The following ENOX1 variants were observed in gnomAD, a reference collection of about 807,000 sequenced individuals.
The protein encoded by ENOX1 is candidate growth-related and time keeping constitutive hydroquinone (NADH) oxidase.
ENOX1 carries 42 observed loss-of-function variants against 82.5 expected under a neutral mutation model. That is an observed-to-expected ratio of 0.51 (90% CI 0.40 to 0.66). The LOEUF (loss-of-function observed/expected upper bound fraction) is 0.66. ENOX1 is among the 30% of genes least tolerant of loss of function. The pLI, the probability that ENOX1 is intolerant of heterozygous loss-of-function variation, is 0.00. For missense variants in ENOX1, 608 were observed against 811.6 expected (o/e 0.75, Z 3.05); for synonymous variants, 271 against 282.2 (o/e 0.96, Z 0.40).
chr13:43,467,315 C>T (rs1350946657), intron 3 of ENOX1, among the ~76,000 whole-genome samples: 3 of 152,084 alleles, frequency 2.0e-5, no homozygotes, highest in Non-Finnish European at 2.9e-5. Context: ...TTACTATATA[C>T]TATATTACTA....
chr13:43,651,100 C>T (rs1020924484), intron 2 of ENOX1, among the ~76,000 whole-genome samples: 4 of 152,160 alleles, frequency 2.6e-5, no homozygotes, highest in Admixed American at 2.6e-4. Flanking sequence ...GCTGCTCCAC[C>T]CACAGCACAT....
intron 16 of ENOX1, among the ~76,000 whole-genome samples, chr13:43,218,444 T>TAG (rs1164342075): frequency 6.6e-6 from 1 of 152,030 alleles, no homozygotes; most frequent in African/African-American, 2.4e-5. Flanking sequence ...CTGGGCAACA[T>TAG]AGAGAGACCC....
At chr13:43,595,160 ATG>A (rs1469838745) in intron 2 of ENOX1, among the ~76,000 whole-genome samples, 2 of 149,644 alleles carry the variant, frequency 1.3e-5, no homozygotes, top group Non-Finnish European at 3.0e-5. Flanking sequence ...AAGGAGCTTA[ATG>A]TACCAGATTT....
intron 2 of ENOX1, among the ~76,000 whole-genome samples, chr13:43,548,460 T>G (rs2079056728): frequency 6.6e-6 from 1 of 152,214 alleles, no homozygotes; most frequent in Non-Finnish European, 1.5e-5. Context: ...ATCTCTTAAT[T>G]CTGCTGCCCT....
At chr13:43,397,069 G>A (rs570817722) in intron 5 of ENOX1, among the ~76,000 whole-genome samples, 1 of 152,186 alleles carries the variant, frequency 6.6e-6, no homozygotes, top group Admixed American at 6.5e-5. Context: ...GGTGGGTGAG[G>A]CCTGCGGCAC....
rs1028671457 is a variant in ENOX1 at position 43,298,403 on chromosome 13, G to A, written c.1389C>T (p.Asn463=). 6.2e-7 allele frequency: 1 copy of A among 1,613,610 alleles called. No individual in the cohort carries two copies. Among genetic ancestry groups the A allele is most frequent in the African/African-American group, 1.3e-5 (1 of 74,812 alleles). ...ACTGCAGTTGCTGGTCCTTGGTGAG[G>A]TTTTCTTCTGTTCGGAAAAGCTGTT... The part of the protein sequence containing the change: ...EKEQLFRTEE[N]LTKDQQLQFL... Residue 463 remains asparagine, a synonymous_variant, in exon 12 of 17, where the codon AAC becomes AAT. Transcript: ENST00000690772.
At chr13:43,748,143 A>G (rs1167803402) in intron 1 of ENOX1, among the ~76,000 whole-genome samples, 1 of 152,200 alleles carries the variant, frequency 6.6e-6, no homozygotes, top group Non-Finnish European at 1.5e-5. Flanking sequence ...GTTTGTTTTA[A>G]TAACTTGATA....
chr13:43,326,014 A>G (rs1445824773), intron 10 of ENOX1, among the ~76,000 whole-genome samples: 1 of 152,058 alleles, frequency 6.6e-6, no homozygotes, highest in Non-Finnish European at 1.5e-5. Flanking sequence ...GAAAATATGG[A>G]CGGAAAGGCG....
chr13:43,473,151 C>T (rs1011985626), intron 3 of ENOX1, among the ~76,000 whole-genome samples: 1 of 152,188 alleles, frequency 6.6e-6, no homozygotes, highest in Admixed American at 6.5e-5. Context: ...ATTTAGTAAT[C>T]TTTCTGATGA....
At chr13:43,396,286 T>A (rs1335119567) in intron 5 of ENOX1, among the ~76,000 whole-genome samples, 1 of 152,226 alleles carries the variant, frequency 6.6e-6, no homozygotes, top group Non-Finnish European at 1.5e-5. Flanking sequence ...ATCACTCACA[T>A]GGCTGTATGT....
chr13:43,313,381 A>G (rs17631876), intron 11 of ENOX1, among the ~76,000 whole-genome samples: 15,880 of 152,252 alleles, frequency 0.1, 994 homozygotes, highest in Middle Eastern at 0.15. Flanking sequence ...AAAGCAAAAG[A>G]AGGCAATTCA....
chr13:43,323,566 G>A (rs1221067610), intron 10 of ENOX1, among the ~76,000 whole-genome samples: 2 of 152,084 alleles, frequency 1.3e-5, no homozygotes. Context: ...GTATCAAGCT[G>A]TATATTACAT....
intron 3 of ENOX1, among the ~76,000 whole-genome samples, chr13:43,450,380 T>G (rs961572657): frequency 2.0e-5 from 3 of 152,156 alleles, no homozygotes; most frequent in Non-Finnish European, 4.4e-5. Flanking sequence ...GGGTTTTGGT[T>G]TTATTCAAGT....
intron 5 of ENOX1, among the ~76,000 whole-genome samples, chr13:43,393,867 G>T (rs2052962168): frequency 6.6e-6 from 1 of 152,188 alleles, no homozygotes; most frequent in Admixed American, 6.5e-5. Context: ...GGAGGTGTTT[G>T]GGTCATGGGA....
At chr13:43,454,205 C>T (rs1228977375) in intron 3 of ENOX1, among the ~76,000 whole-genome samples, 3 of 151,988 alleles carry the variant, frequency 2.0e-5, no homozygotes, top group African/African-American at 4.8e-5. Context: ...AAAAAGAGTA[C>T]TCCCTTCCCC....
chr13:43,519,641 C>G (rs1463454970), intron 2 of ENOX1, among the ~76,000 whole-genome samples: 1 of 152,094 alleles, frequency 6.6e-6, no homozygotes, highest in African/African-American at 2.4e-5. Context: ...CAAACTGGGC[C>G]ACCCAAAGAC....
intron 15 of ENOX1, among the ~76,000 whole-genome samples, chr13:43,230,465 G>C (rs1209608234): frequency 1.3e-5 from 2 of 152,096 alleles, no homozygotes; most frequent in Non-Finnish European, 2.9e-5. Flanking sequence ...CAAGATAGTA[G>C]AGTTCATGTT....
intron 12 of ENOX1, among the ~76,000 whole-genome samples, chr13:43,277,967 A>G (rs530986852): frequency 1.3e-5 from 2 of 152,232 alleles, no homozygotes; most frequent in South Asian, 4.1e-4. Flanking sequence ...GGCACCAAGG[A>G]CGGGGCCTGG....
At chr13:43,414,512 T>C (rs868756074) in intron 3 of ENOX1, among the ~76,000 whole-genome samples, 72 of 152,336 alleles carry the variant, frequency 4.7e-4, no homozygotes, top group African/African-American at 1.5e-3. Context: ...ATTCTCACCA[T>C]AGAAAATAAA....
Sources: gnomAD v4.1 joint callset for allele counts (sites outside exome capture counted in the v4.1 genomes callset) on GRCh38, gnomAD v4.1.1 for gene constraint, MANE v1.5 for transcripts, NCBI Gene and HGNC (gene_info 2026-07-23, HGNC 2026-07-21) for gene names.